The following DHX16 variants were observed in gnomAD, a reference collection of about 807,000 sequenced individuals.
DHX16 encodes DEAH-box helicase 16.
DHX16 carries 81 observed loss-of-function variants against 131.2 expected under a neutral mutation model. That is an observed-to-expected ratio of 0.62 (90% confidence interval 0.52 to 0.74). The LOEUF (loss-of-function observed/expected upper bound fraction) is 0.74, where lower values mean the gene tolerates loss of function less well. DHX16 is among the 30% of genes least tolerant of loss of function. DHX16 has a pLI of 0.00. For synonymous variants in DHX16, 440 were observed against 520.2 expected (o/e 0.85, Z 2.10); for missense variants, 980 against 1,363.1 (o/e 0.72, Z 4.43).
At position 30,656,777 on chromosome 6, in the gene DHX16, C is replaced by A. The variant is rs1380716660; in HGVS notation, c.2149-18G>T. The A allele has an allele frequency of 8.1e-6, 13 of 1,611,042 alleles. No homozygotes were observed. The highest frequency in any genetic ancestry group is 1.1e-5 in the Non-Finnish European group (13 of 1,179,838). ...GCTGAGGCCTGGAAAGAAAGGGGAA[C>A]AGGCTGGCTGACAATTTGGTCAGGG... is the stretch of plus-strand genomic sequence containing the variant. On this transcript the variant is annotated intron_variant, in intron 13 of 19. Coordinates refer to ENST00000376442, the MANE Select transcript of DHX16 (RefSeq NM_003587.5). The surrounding 1 kb of genome is among the most constrained non-coding windows in gnomAD (Gnocchi z 5.1).
intron 18 of DHX16, 133 bp downstream of exon 18, chr6:30,655,042 C>T: frequency 2.8e-6 from 4 of 1,422,600 alleles, no homozygotes; most frequent in South Asian, 1.3e-5. Context: ...AAGAAAGGGC[C>T]CTGGGAGGAC....
chr6:30,665,259 C>A lies in DHX16; in HGVS notation c.937G>T (p.Asp313Tyr), dbSNP rs879150516. Reference protein sequence around the residue: ...ETRGQPARAVDLVEEESGAPG... With the variant: ...ETRGQPARAVYLVEEESGAPG... The stretch of plus-strand genomic sequence containing the variant: ...GCTCCTGATTCCTCCTCCACTAGAT[C>A]CACAGCTCGGGCTGGCTACAGAGAG... The change falls in exon 6 of 20, where the codon GAT (aspartate) becomes TAT (tyrosine). Residue 313 changes from aspartate (D) to tyrosine (Y), a missense_variant. By Grantham distance (160) the Asp-to-Tyr change is radical. Coordinates refer to ENST00000376442, the MANE Select transcript of DHX16 (RefSeq NM_003587.5). This position sits in a 1 kb window ranked among gnomAD's most constrained non-coding sequence, Gnocchi z 4.8. 2 of 1,603,642 alleles carry A rather than the reference C, an allele frequency of 1.2e-6. No homozygotes were observed. Among genetic ancestry groups the A allele is most frequent in the South Asian group, 1.1e-5 (1 of 90,962 alleles).
At chr6:30,672,605 C>T (rs755529325) in intron 1 of DHX16, 30 bp downstream of exon 1, 2 of 1,585,174 alleles carry the variant, frequency 1.3e-6, no homozygotes, top group South Asian at 1.1e-5. Flanking sequence ...CGGGACAAAT[C>T]ACAGGGCCCC....
Position 30,653,179 on chromosome 6 carries a change from T to C in DHX16, c.*63A>G. 5 of 1,531,796 alleles carry C rather than the reference T, an allele frequency of 3.3e-6. No individual in the cohort carries two copies. The South Asian group carries it at 6.2e-5, about 19-fold the overall frequency. 94.9% of individuals were successfully genotyped at this position (1,531,796 alleles called of 1,614,324 possible). On this transcript the variant is annotated 3_prime_UTR_variant, in exon 20 of 20. Transcript: ENST00000376442. ...TTATTCCAAAAATAATTTTATTTAA[T>C]AGGTATTAAATAATGTATAGAAGGA...
chr6:30,656,249 G>T lies in DHX16; in HGVS notation c.2447C>A (p.Ala816Glu), dbSNP rs1767969202. ...GELTTSGRKM[A>E]ELPVDPMLSK... ...CAGCATGGGGTCCACCGGCAGCTCTGCCATCTTTCGACCAGACTAAGGAGA... is the reference window on the plus strand; with the variant it reads ...CAGCATGGGGTCCACCGGCAGCTCTTCCATCTTTCGACCAGACTAAGGAGA... The change falls in exon 16 of 20, where the codon GCA becomes GAA. Residue 816 changes from alanine (A) to glutamate (E), a missense_variant. By Grantham distance (107) the Ala-to-Glu change is moderately radical (BLOSUM62 -1). Coordinates refer to ENST00000376442, the MANE Select transcript of DHX16 (RefSeq NM_003587.5). The surrounding 1 kb of genome is among the most constrained non-coding windows in gnomAD (Gnocchi z 5.1). The T allele has an allele frequency of 2.5e-6, 4 of 1,613,576 alleles. No individual in the cohort carries two copies. The highest frequency in any genetic ancestry group is 3.4e-6 in the Non-Finnish European group (4 of 1,180,024).
intron 12 of DHX16, among the ~76,000 whole-genome samples, chr6:30,657,814 C>A (rs928429120): frequency 1.3e-5 from 2 of 152,128 alleles, no homozygotes; most frequent in African/African-American, 4.8e-5. Context: ...CTCCCTACAC[C>A]CCAAGGAAAA....
At chr6:30,666,354 A>G (rs900024738) in intron 4 of DHX16, among the ~76,000 whole-genome samples, 4 of 152,236 alleles carry the variant, frequency 2.6e-5, no homozygotes, top group Non-Finnish European at 5.9e-5. Context: ...TGTCTCACTT[A>G]GTTTCTACAC....
Position 30,672,961 on chromosome 6 carries a change from G to T in DHX16, c.-120C>A, listed in dbSNP as rs144057215. On this transcript the variant is annotated 5_prime_UTR_variant, in exon 1 of 20. Coordinates refer to ENST00000376442, the MANE Select transcript of DHX16 (RefSeq NM_003587.5). ...CAGCTTCGCAAGTCAGCTACCTTGGGACCTCTAGGATCTTCCGACATCCCA... is the reference window on the plus strand; with the variant it reads ...CAGCTTCGCAAGTCAGCTACCTTGGTACCTCTAGGATCTTCCGACATCCCA... 5.2e-4 allele frequency: 802 copies of T among 1,553,336 alleles called. 2 individuals carry two copies. The highest frequency in any genetic ancestry group is 1.0e-4 in the Non-Finnish European group (119 of 1,147,970).
At chr6:30,654,093 G>C (rs541270984) in intron 19 of DHX16, among the ~76,000 whole-genome samples, 1 of 144,068 alleles carries the variant, frequency 6.9e-6, no homozygotes, top group Non-Finnish European at 1.5e-5. Flanking sequence ...CTCCAGCCTG[G>C]GCTACAACAG....
chr6:30,668,497 A>T (rs1277168482), intron 4 of DHX16, among the ~76,000 whole-genome samples: 2 of 152,064 alleles, frequency 1.3e-5, no homozygotes, highest in Non-Finnish European at 2.9e-5. Context: ...CTAAACATAC[A>T]AAAATCAGCC....
chr6:30,667,510 A>G (rs1188924282), intron 4 of DHX16, among the ~76,000 whole-genome samples: 1 of 151,284 alleles, frequency 6.6e-6, no homozygotes, highest in African/African-American at 2.4e-5. Context: ...TGAACCCGGA[A>G]GGCAGAGCTT....
chr6:30,670,498 AG>A lies in DHX16; in HGVS notation c.610-33del. On this transcript the variant is annotated intron_variant, in intron 3 of 19. Coordinates refer to ENST00000376442, the MANE Select transcript of DHX16 (RefSeq NM_003587.5). This position sits in a 1 kb window ranked among gnomAD's most constrained non-coding sequence, Gnocchi z 4.4. ...GAAAAAACAAGAATGGAGGGGTGTG[AG>A]GCCAAAGAGCCCCCACACTGACAGC... 1.9e-6 allele frequency: 3 copies of A among 1,601,060 alleles called. No individual in the cohort carries two copies. Among genetic ancestry groups the A allele is most frequent in the Non-Finnish European group, 1.7e-6 (2 of 1,172,254 alleles).
rs781736063 is a variant in DHX16 at position 30,665,682 on chromosome 6, G to A, written c.718C>T (p.Arg240Ter). Residue 240 changes from arginine (R) to a stop codon, truncating the protein, a stop_gained, in exon 5 of 20, where the codon CGA becomes TGA. Coordinates refer to ENST00000376442, the MANE Select transcript of DHX16 (RefSeq NM_003587.5). LOFTEE classifies it high-confidence loss of function. The surrounding 1 kb of genome is among the most constrained non-coding windows in gnomAD (Gnocchi z 4.8). Reference protein sequence around the residue: ...SRREYLAKREREKLEDLEAEL... With the variant: ...SRREYLAKRE ...GCCTCCAGGTCCTCAAGCTTCTCTC[G>A]CTCCCGCTTAGCCAGGTACTCTCGG... 5 of 1,612,100 alleles carry A rather than the reference G, an allele frequency of 3.1e-6. No individual in the cohort carries two copies. The highest frequency in any genetic ancestry group is 2.2e-5 in the East Asian group (1 of 44,906).
At position 30,664,967 on chromosome 6, in the gene DHX16, G is replaced by A. The variant is rs1180646496; in HGVS notation, c.1151C>T (p.Thr384Ile). The change falls in exon 7 of 20, where the codon ACT becomes ATT. Residue 384 changes from threonine to isoleucine, a missense_variant. Transcript: ENST00000376442. ...DEEPSAPPTS[T>I]QAQQKESIQA... ...GATGGACTCTTTCTGCTGGGCCTGA[G>A]TTGAAGTGGGTGGAGCTGACGGCTC... The A allele has an allele frequency of 6.2e-7, 1 of 1,614,114 alleles. No individual in the cohort carries two copies. The highest frequency in any genetic ancestry group is 1.1e-5 in the South Asian group (1 of 91,086).
rs760565711 is a variant in DHX16, at chr6:30,655,278, G to A, written c.2720C>T (p.Ser907Leu). The change falls in exon 18 of 20, where the codon TCG (serine) becomes TTG (leucine). Residue 907 changes from serine to leucine, a missense_variant. By Grantham distance (145) the Ser-to-Leu change is moderately radical (BLOSUM62 -2). Coordinates refer to ENST00000376442, the MANE Select transcript of DHX16 (RefSeq NM_003587.5). ...CCGCACATCCCGGGCTCGGCGCATC[G>A]ATCTGAACTGTACAAAGTTCTCATA... The part of the protein sequence containing the change: ...WCYENFVQFR[S>L]MRRARDVREQ... 12 of 1,614,012 alleles carry A rather than the reference G, an allele frequency of 7.4e-6. No homozygotes were observed. Among genetic ancestry groups the A allele is most frequent in the Admixed American group, 5.0e-5 (3 of 59,992 alleles).
intron 11 of DHX16, 38 bp from the exon 12 acceptor site, chr6:30,659,662 G>A: frequency 6.2e-7 from 1 of 1,613,536 alleles, no homozygotes; most frequent in East Asian, 2.2e-5. Flanking sequence ...GGGTCCCAGA[G>A]TCACAGAAGG....
In DHX16 at chr6:30,656,535, C is replaced by T; in HGVS notation, c.2312-26G>A. 1 of 1,614,084 alleles carries T rather than the reference C, an allele frequency of 6.2e-7. No homozygotes were observed. The highest frequency in any genetic ancestry group is 8.5e-7 in the Non-Finnish European group (1 of 1,179,952). Reference sequence around the variant, plus strand: ...CTAGAAAGAGGTGTGATGGATGGAACAGAGTCCCTTCAAAGGACAGTGACT... The same window carrying T: ...CTAGAAAGAGGTGTGATGGATGGAATAGAGTCCCTTCAAAGGACAGTGACT... On this transcript the variant is annotated intron_variant, in intron 14 of 19. Transcript: ENST00000376442. The surrounding 1 kb of genome is among the most constrained non-coding windows in gnomAD (Gnocchi z 5.1).
At position 30,670,596 on chromosome 6, in the gene DHX16, A is replaced by C; in HGVS notation, c.610-130T>G. On this transcript the variant is annotated intron_variant, in intron 3 of 19. Coordinates refer to ENST00000376442, the MANE Select transcript of DHX16 (RefSeq NM_003587.5). This position sits in a 1 kb window ranked among gnomAD's most constrained non-coding sequence, Gnocchi z 4.4. ...AAAAAATGTCCCCTCTCAGTGAGGA[A>C]TCTCTCTGATTGCAGGTACAGCAGA... 8.4e-7 allele frequency: 1 copy of C among 1,189,616 alleles called. No individual in the cohort carries two copies. The highest frequency in any genetic ancestry group is 1.2e-6 in the Non-Finnish European group (1 of 839,854). The allele number at this position is 1,189,616 out of a possible 1,614,324, so 73.7% of individuals were successfully genotyped here.
rs1769415401 is a variant in DHX16, at chr6:30,670,354, T to A, written c.666+56A>T. 8 of 1,533,700 alleles carry A rather than the reference T, an allele frequency of 5.2e-6. No homozygotes were observed. The highest frequency in any genetic ancestry group is 1.2e-5 in the South Asian group (1 of 86,032). Reference sequence around the variant, plus strand: ...GTATCCTCTCTCCCTATACACTCTATCAGAAAGTCTTTCCTTTTGTCTTCT... The same window carrying A: ...GTATCCTCTCTCCCTATACACTCTAACAGAAAGTCTTTCCTTTTGTCTTCT... On this transcript the variant is annotated intron_variant, in intron 4 of 19. Coordinates refer to ENST00000376442, the MANE Select transcript of DHX16 (RefSeq NM_003587.5). The surrounding 1 kb of genome is among the most constrained non-coding windows in gnomAD (Gnocchi z 4.4).
Sources: allele counts gnomAD v4.1 joint callset (sites outside exome capture counted in the v4.1 genomes callset), GRCh38; gene constraint gnomAD v4.1.1; non-coding constraint Gnocchi (gnomAD v3.1); transcripts MANE v1.5; gene names NCBI Gene and HGNC (gene_info 2026-07-23, HGNC 2026-07-21).